BRCA1: variants seen among roughly 807,000 people sequenced by gnomAD.
BRCA1 encodes BRCA1 DNA repair associated.
BRCA1 carries 140 observed loss-of-function variants against 173.7 expected under a neutral mutation model. The observed-to-expected ratio is 0.81, with a 90% CI of 0.70 to 0.93. The LOEUF (loss-of-function observed/expected upper bound fraction) is 0.93. Ranked by LOEUF, BRCA1 falls within the 40% of genes least tolerant of loss-of-function variation. The pLI, the probability that BRCA1 is intolerant of heterozygous loss-of-function variation, is 0.00. For missense variants in BRCA1, 1,983 were observed against 2,172.5 expected, an observed-to-expected ratio of 0.91 and a Z score of 1.73; for synonymous variants, 662 against 756.0, an observed-to-expected ratio of 0.88 and a Z score of 2.04.
chr17:43,056,950 T>A (rs1393640713), intron 19 of BRCA1, 102 bp downstream of exon 19: 1 of 1,029,626 alleles, frequency 9.7e-7, no homozygotes, highest in South Asian at 1.3e-5. Flanking sequence ...TGTGTATGTA[T>A]GTAATAAGTC....
intron 2 of BRCA1, among the ~76,000 whole-genome samples, chr17:43,121,267 C>T (rs543102980): frequency 6.0e-5 from 9 of 150,162 alleles, no homozygotes; most frequent in East Asian, 4.0e-4. Context: ...CCCAGCTACT[C>T]GGGAGGCTGA....
At chr17:43,113,253 T>C (rs2055121094) in intron 3 of BRCA1, among the ~76,000 whole-genome samples, 1 of 152,202 alleles carries the variant, frequency 6.6e-6, no homozygotes, top group East Asian at 1.9e-4. Flanking sequence ...TTCTGCCTCC[T>C]CTTGGACCTT....
intron 1 of BRCA1, among the ~76,000 whole-genome samples, chr17:43,136,487 A>G (rs1348572226): frequency 3.3e-5 from 5 of 152,234 alleles, no homozygotes; most frequent in Admixed American, 6.5e-5. Flanking sequence ...CTACCATCAG[A>G]GTGAACAGGC....
rs80357354 is a variant in BRCA1, at chr17:43,082,418, C to T, written c.4343G>A (p.Ser1448Asn). 6.2e-7 allele frequency: 1 copy of T among 1,613,794 alleles called. No individual in the cohort carries two copies. The highest frequency in any genetic ancestry group is 8.5e-7 in the Non-Finnish European group (1 of 1,179,912). Residue 1448 changes from serine to asparagine, a missense_variant, in exon 12 of 23, where the codon AGC becomes AAC. Ser to Asn is a conservative substitution (Grantham distance 46). Coordinates refer to ENST00000357654, the MANE Select transcript of BRCA1 (RefSeq NM_007294.4). ...ACAATACACACCTTTTTCTGATGTGCTTTGTTCTGGATTTCGCAGGTCCTC... is the reference window on the plus strand; with the variant it reads ...ACAATACACACCTTTTTCTGATGTGTTTTGTTCTGGATTTCGCAGGTCCTC... ...ALEDLRNPEQ[S>N]TSEKAVLTSQ...
At chr17:43,069,760 GTAAC>G (rs1385771255) in intron 15 of BRCA1, among the ~76,000 whole-genome samples, 1 of 152,172 alleles carries the variant, frequency 6.6e-6, no homozygotes, top group Non-Finnish European at 1.5e-5. Flanking sequence ...GTTATGCTAA[GTAAC>G]TACCTATGGA....
At chr17:43,072,109 C>T (rs146595490) in intron 14 of BRCA1, among the ~76,000 whole-genome samples, 26 of 151,724 alleles carry the variant, frequency 1.7e-4, no homozygotes, top group Non-Finnish European at 3.1e-4. Context: ...GAGTACAGGC[C>T]GGGTGCGGTG....
intron 3 of BRCA1, among the ~76,000 whole-genome samples, chr17:43,109,101 C>T (rs1567814019): frequency 1.3e-5 from 2 of 152,176 alleles, no homozygotes; most frequent in Admixed American, 6.6e-5. Context: ...CTCAAGTGAT[C>T]GCCTGCTTCA....
In BRCA1 at chr17:43,074,500, T is replaced by C. The variant is rs778400777; in HGVS notation, c.4506A>G (p.Pro1502=). Reference sequence around the variant, plus strand: ...GCATGTACCACCTATCATCTAATGATGGGCATTTAGAAGGGGATGACCTAG... The same window carrying C: ...GCATGTACCACCTATCATCTAATGACGGGCATTTAGAAGGGGATGACCTAG... The part of the protein sequence containing the change: ...GVERSSPSKC[P]SLDDRWYMHS... Residue 1502 remains proline, a synonymous_variant, in exon 14 of 23, where the codon CCA becomes CCG. Coordinates refer to ENST00000357654, the MANE Select transcript of BRCA1 (RefSeq NM_007294.4). The C allele has an allele frequency of 6.2e-7, 1 of 1,614,056 alleles. No individual in the cohort carries two copies. Among genetic ancestry groups the C allele is most frequent in the South Asian group, 1.1e-5 (1 of 91,074 alleles).
At chr17:43,129,501 G>C (rs573586886), upstream of BRCA1, among the ~76,000 whole-genome samples, 1 of 151,506 alleles carries the variant, frequency 6.6e-6, no homozygotes, top group Admixed American at 6.6e-5. Flanking sequence ...ACTGAGTCTC[G>C]CTCTGTCGCC....
chr17:43,165,832 C>G (rs1397976202), intron 1 of BRCA1: 1 of 150,782 alleles, frequency 6.6e-6, no homozygotes, highest in Non-Finnish European at 1.5e-5. Context: ...ACATGTTACA[C>G]TGTTAACTTT....
At chr17:43,081,903 T>C in intron 12 of BRCA1, among the ~76,000 whole-genome samples, 1 of 152,196 alleles carries the variant, frequency 6.6e-6, no homozygotes, top group African/African-American at 2.4e-5. Flanking sequence ...TGTTCTTTTC[T>C]TTTCCTTTTG....
At position 43,092,290 on chromosome 17, in the gene BRCA1, T is replaced by C. The variant is rs876659928; in HGVS notation, c.3241A>G (p.Asn1081Asp). 6.2e-7 allele frequency: 1 copy of C among 1,613,940 alleles called. No individual in the cohort carries two copies. Among genetic ancestry groups the C allele is most frequent in the Non-Finnish European group, 8.5e-7 (1 of 1,180,018 alleles). Residue 1081 changes from asparagine (N) to aspartate (D), a missense_variant, in exon 10 of 23, where the codon AAT becomes GAT. Physicochemically the swap from Asn to Asp is conservative, Grantham distance 23. Transcript: ENST00000357654. Reference sequence around the variant, plus strand: ...AAAACCCCTAATCTAAGCATAGCATTCAATTTTGGCCCTCTGTTTCTACCT... The same window carrying C: ...AAAACCCCTAATCTAAGCATAGCATCCAATTTTGGCCCTCTGTTTCTACCT... ...ELGRNRGPKL[N>D]AMLRLGVLQP...
At chr17:43,050,570 G>A (rs2051165182) in intron 20 of BRCA1, among the ~76,000 whole-genome samples, 2 of 150,224 alleles carry the variant, frequency 1.3e-5, no homozygotes, top group South Asian at 2.1e-4. Context: ...CCGAGATCGC[G>A]CCATTGCACT....
At chr17:43,056,685 A>G (rs368621679) in intron 19 of BRCA1, among the ~76,000 whole-genome samples, 21 of 151,614 alleles carry the variant, frequency 1.4e-4, no homozygotes, top group African/African-American at 4.4e-4. Flanking sequence ...GAAAAAAAAA[A>G]AGAGAGAGAG....
Position 43,045,941 on chromosome 17 carries a change from G to C in BRCA1, c.5468-139C>G, listed in dbSNP as rs1277730210. ...AAGCTAATTTTTTTTTTTTTTTTTT[G>C]AGACGGAGTCTTGCTCTGTCGCCGA... On this transcript the variant is annotated intron_variant, in intron 22 of 22. Coordinates refer to ENST00000357654, the MANE Select transcript of BRCA1 (RefSeq NM_007294.4). 5.4e-6 allele frequency: 4 copies of C among 735,624 alleles called. No individual in the cohort carries two copies. In the African/African-American group the frequency reaches 1.1e-4, roughly 21 times the overall value. 45.6% of individuals were successfully genotyped at this position (735,624 alleles called of 1,614,324 possible). A position where few individuals can be genotyped will look rare whatever the true frequency, so the allele number is the denominator to read the frequency against.
chr17:43,052,889 T>G lies in BRCA1; in HGVS notation c.5278-1772A>C, dbSNP rs2051310113. ...GGACAAGTCTGTGTGTTTTTTTTTTTTTTTTGAGACGCAGTCTTGCACTGT... is the reference window on the plus strand; with the variant it reads ...GGACAAGTCTGTGTGTTTTTTTTTTGTTTTTGAGACGCAGTCTTGCACTGT... On this transcript the variant is annotated intron_variant, in intron 19 of 22. Transcript: ENST00000357654. 2.6e-5 allele frequency among the ~76,000 whole-genome samples: 4 copies of G among 151,002 alleles called. No individual in the cohort carries two copies. The South Asian group carries it at 8.4e-4, about 32-fold the overall frequency.
chr17:43,079,108 A>T (rs984776025), intron 12 of BRCA1, among the ~76,000 whole-genome samples: 4 of 152,088 alleles, frequency 2.6e-5, no homozygotes, highest in Non-Finnish European at 2.9e-5. Flanking sequence ...GCTGAGGCGG[A>T]CATTGTAATG....
intron 2 of BRCA1, among the ~76,000 whole-genome samples, chr17:43,120,494 G>A (rs1034958414): frequency 2.6e-5 from 4 of 151,922 alleles, no homozygotes; most frequent in East Asian, 1.9e-4. Context: ...GGCCGGGCGC[G>A]GTGGCTCACG....
intron 1 of BRCA1, chr17:43,145,165 AAAG>A (rs1400029491): frequency 3.8e-5 from 27 of 708,470 alleles, no homozygotes; most frequent in Non-Finnish European, 5.6e-5. Flanking sequence ...CCAAAAAACT[AAAG>A]AAGATTTACC....
Sources: gnomAD v4.1 joint callset for allele counts (sites outside exome capture counted in the v4.1 genomes callset) on GRCh38, gnomAD v4.1.1 for gene constraint, MANE v1.5 for transcripts, NCBI Gene and HGNC (gene_info 2026-07-23, HGNC 2026-07-21) for gene names.